Variants in SLF2 observed in about 807,000 individuals in gnomAD.
SLF2 encodes SMC5-SMC6 complex localization factor protein 2.
Under a neutral mutation model 124.3 loss-of-function variants are expected in SLF2, and 68 were observed. That is an observed-to-expected ratio of 0.55 (90% confidence interval 0.45 to 0.67). SLF2 has a LOEUF of 0.67. SLF2 is among the 30% of genes least tolerant of loss of function. SLF2 has a pLI of 0.00. For missense variants in SLF2, 1,246 were observed against 1,373.7 expected (o/e 0.91, Z 1.47); for synonymous variants, 480 against 478.8 (o/e 1.00, Z -0.03).
chr10:100,955,905 C>CA (rs56283306), intron 17 of SLF2, among the ~76,000 whole-genome samples: 190 of 136,674 alleles, frequency 1.4e-3, no homozygotes, highest in East Asian at 3.5e-3. Flanking sequence ...GACTCTGTCT[C>CA]AAAAAAAAAA....
At chr10:100,930,927 A>G (rs767118842) in intron 8 of SLF2, 49 bp from the exon 9 acceptor site, 29 of 1,390,476 alleles carry the variant, frequency 2.1e-5, no homozygotes, top group Non-Finnish European at 2.9e-5. Context: ...TAGTAGAAGT[A>G]TTTTGCCATG....
In SLF2 at chr10:100,947,839, A is replaced by C. The variant is rs138690129; in HGVS notation, c.3112A>C (p.Asn1038His). Residue 1038 changes from asparagine (N) to histidine (H), a missense_variant, in exon 15 of 20, where the codon AAT becomes CAT. By Grantham distance (68) the Asn-to-His change is moderately conservative (BLOSUM62 1). Coordinates refer to ENST00000238961, the MANE Select transcript of SLF2 (RefSeq NM_018121.4). ...ACACGAAGATGTTCCTAATGCCAGTAATCTGCAGGTATAAATAAATACATT... is the reference window on the plus strand; with the variant it reads ...ACACGAAGATGTTCCTAATGCCAGTCATCTGCAGGTATAAATAAATACATT... The part of the protein sequence containing the change: ...EKHEDVPNAS[N>H]LQVSVLHRYL... The C allele has an allele frequency of 2.5e-4, 395 of 1,607,114 alleles. No individual in the cohort carries two copies. The highest frequency in any genetic ancestry group is 3.2e-4 in the Non-Finnish European group (375 of 1,174,978).
At chr10:100,950,630 A>T (rs887194240) in intron 16 of SLF2, 46 bp from the exon 17 acceptor site, 1 of 1,491,812 alleles carries the variant, frequency 6.7e-7, no homozygotes, top group South Asian at 1.1e-5. Context: ...AATGACATCT[A>T]TGCTAGCTAA....
intron 9 of SLF2, among the ~76,000 whole-genome samples, chr10:100,932,720 T>TGCGCGC (rs1554878718): frequency 2.8e-5 from 1 of 36,226 alleles, no homozygotes; most frequent in Non-Finnish European, 5.7e-5. Context: ...TGTGTGTGTG[T>TGCGCGC]GCGCGCGCGC....
Position 100,931,092 on chromosome 10 carries a change from T to G in SLF2, c.2436+14T>G. 1.3e-6 allele frequency: 2 copies of G among 1,584,006 alleles called. No individual in the cohort carries two copies. The highest frequency in any genetic ancestry group is 1.7e-6 in the Non-Finnish European group (2 of 1,156,608). ...TGGCTGTTTCGGGTAAGAGGAATGTTTAGAGGGTTATAGTTGCCTCCTACT... is the reference window on the plus strand; with the variant it reads ...TGGCTGTTTCGGGTAAGAGGAATGTGTAGAGGGTTATAGTTGCCTCCTACT... On this transcript the variant is annotated intron_variant, in intron 9 of 19. Coordinates refer to ENST00000238961, the MANE Select transcript of SLF2 (RefSeq NM_018121.4).
chr10:100,952,158 C>T (rs1850228323), intron 17 of SLF2, among the ~76,000 whole-genome samples: 2 of 151,892 alleles, frequency 1.3e-5, no homozygotes, highest in African/African-American at 2.4e-5. Context: ...ACAGGAGAAT[C>T]GCTTGAACCC....
intron 12 of SLF2, 29 bp from the exon 13 acceptor site, chr10:100,945,301 A>AT (rs55950013): frequency 0.22 from 341,410 of 1,519,518 alleles, 43,245 homozygotes; most frequent in East Asian, 0.55. Flanking sequence ...CTCCTAAAAT[A>AT]TTTTTGTCTG....
intron 6 of SLF2, among the ~76,000 whole-genome samples, chr10:100,928,035 C>CA: frequency 3.5e-5 from 1 of 28,476 alleles, no homozygotes; most frequent in Admixed American, 3.0e-4. Flanking sequence ...ATGAACACCC[C>CA]CCCCCCCCCC....
At chr10:100,942,886 A>C (rs1589959288) in intron 11 of SLF2, among the ~76,000 whole-genome samples, 1 of 152,150 alleles carries the variant, frequency 6.6e-6, no homozygotes, top group Admixed American at 6.5e-5. Context: ...GCCTCAGCCT[A>C]TCAAAGTGCT....
At chr10:100,944,213 C>G (rs777303507) in intron 12 of SLF2, 85 bp downstream of exon 12, 3 of 859,126 alleles carry the variant, frequency 3.5e-6, no homozygotes, top group South Asian at 2.1e-5. Flanking sequence ...AAAAAAGTCT[C>G]GGCCGGGCGC....
Position 100,961,972 on chromosome 10 carries a change from G to A in SLF2, c.*60G>A. The A allele has an allele frequency of 2.1e-6, 3 of 1,447,800 alleles. No homozygotes were observed. The highest frequency in any genetic ancestry group is 2.9e-6 in the Non-Finnish European group (3 of 1,049,366). The allele number at this position is 1,447,800 out of a possible 1,614,324, so 89.7% of individuals were successfully genotyped here. ...AAATTCAATAAGAGCCTTTCATAGA[G>A]GAGTAGAAAGGATTATTACAGAATC... On this transcript the variant is annotated 3_prime_UTR_variant, in exon 20 of 20. Transcript: ENST00000238961.
At position 100,944,087 on chromosome 10, in the gene SLF2, T is replaced by G. The variant is rs1474064621; in HGVS notation, c.2716T>G (p.Phe906Val). ...TGAAGATTCATCTTATAAGCCAATT[T>G]TTTCAACACTTCCTGAAACCAACAT... ...ESEDSSYKPI[F>V]STLPETNILN... is the part of the protein sequence containing the mutation. Residue 906 changes from phenylalanine to valine, a missense_variant, in exon 12 of 20, where the codon TTT (phenylalanine) becomes GTT (valine). By Grantham distance (50) the Phe-to-Val change is conservative. Around this residue, in one of 3 missense-constraint regions of SLF2, gnomAD observed 535 missense variants for 632.8 expected, o/e 0.85. Coordinates refer to ENST00000238961, the MANE Select transcript of SLF2 (RefSeq NM_018121.4). 6.2e-7 allele frequency: 1 copy of G among 1,612,856 alleles called. No homozygotes were observed. The highest frequency in any genetic ancestry group is 8.5e-7 in the Non-Finnish European group (1 of 1,179,588).
In SLF2 at chr10:100,962,742, G is replaced by T. The variant is rs1173979850; in HGVS notation, c.*830G>T. 1 of 152,516 alleles carries T rather than the reference G, an allele frequency of 6.6e-6. No homozygotes were observed. Among genetic ancestry groups the T allele is most frequent in the Admixed American group, 6.6e-5 (1 of 15,264 alleles). The allele number at this position is 152,516 out of a possible 1,614,324, so 9.4% of individuals were successfully genotyped here. A position where few individuals can be genotyped will look rare whatever the true frequency, so the allele number is the denominator to read the frequency against. On this transcript the variant is annotated 3_prime_UTR_variant, in exon 20 of 20. Transcript: ENST00000238961. ...TAACCATATTACAGAAGTCTATATT[G>T]TAAAAGCCTAAAGATCTGGACAAGT...
At position 100,964,255 on chromosome 10, in the gene SLF2, A is replaced by G. The variant is rs1483932211; in HGVS notation, c.*2343A>G. The G allele has an allele frequency of 3.3e-5, 5 of 152,716 alleles. No individual in the cohort carries two copies. The South Asian group carries it at 6.2e-4, about 19-fold the overall frequency. 9.5% of individuals were successfully genotyped at this position (152,716 alleles called of 1,614,324 possible). A position where few individuals can be genotyped will look rare whatever the true frequency, so the allele number is the denominator to read the frequency against. On this transcript the variant is annotated 3_prime_UTR_variant, in exon 20 of 20. Coordinates refer to ENST00000238961, the MANE Select transcript of SLF2 (RefSeq NM_018121.4). Reference sequence around the variant, plus strand: ...GACTTGGCAAACGAAGCTTGCACTGAGTGGTGGTGTGTTTGGCAATATTAC... The same window carrying G: ...GACTTGGCAAACGAAGCTTGCACTGGGTGGTGGTGTGTTTGGCAATATTAC...
intron 11 of SLF2, among the ~76,000 whole-genome samples, chr10:100,943,110 G>A (rs1369538758): frequency 2.0e-5 from 3 of 152,190 alleles, no homozygotes; most frequent in Non-Finnish European, 4.4e-5. Context: ...CTGGCAACCA[G>A]CCCCCATCCT....
intron 13 of SLF2, among the ~76,000 whole-genome samples, chr10:100,946,083 G>C (rs1203729912): frequency 6.6e-6 from 1 of 152,074 alleles, no homozygotes; most frequent in Non-Finnish European, 1.5e-5. Context: ...TTTTTGTTAG[G>C]CCTTTTTAAA....
chr10:100,936,574 A>G (rs1195610772), intron 9 of SLF2, among the ~76,000 whole-genome samples: 1 of 152,052 alleles, frequency 6.6e-6, no homozygotes, highest in Non-Finnish European at 1.5e-5. Flanking sequence ...TGACCTCGTG[A>G]TCCGCCTGCC....
At position 100,916,953 on chromosome 10, in the gene SLF2, C is replaced by T. The variant is rs1212696529; in HGVS notation, c.568C>T (p.Arg190Ter). ...HENNEKNDRDRGKTNADSKKQ... is the reference protein window; with the variant it reads ...HENNEKNDRD Reference sequence around the variant, plus strand: ...AAATAATGAGAAGAATGATAGAGATCGAGGCAAAACCAATGCAGACTCCAA... The same window carrying T: ...AAATAATGAGAAGAATGATAGAGATTGAGGCAAAACCAATGCAGACTCCAA... The change falls in exon 3 of 20, where the codon CGA (arginine) becomes TGA (stop). Residue 190 changes from arginine (R) to a stop codon, truncating the protein, a stop_gained. Transcript: ENST00000238961. LOFTEE classifies it high-confidence loss of function. 6.2e-7 allele frequency: 1 copy of T among 1,613,952 alleles called. No individual in the cohort carries two copies. Among genetic ancestry groups the T allele is most frequent in the Non-Finnish European group, 8.5e-7 (1 of 1,180,026 alleles).
intron 12 of SLF2, 23 bp from the exon 13 acceptor site, chr10:100,945,307 G>A (rs1433197438): frequency 6.7e-7 from 1 of 1,493,938 alleles, no homozygotes; most frequent in Non-Finnish European, 8.9e-7. Context: ...AAATATTTTT[G>A]TCTGTGCATT....
Sources: gnomAD v4.1 joint callset for allele counts (sites outside exome capture counted in the v4.1 genomes callset) on GRCh38, gnomAD v4.1.1 for gene constraint, gnomAD v4.1.1 regional missense constraint, MANE v1.5 for transcripts, NCBI Gene and HGNC (gene_info 2026-07-23, HGNC 2026-07-21) for gene names.